SND1: variants seen among roughly 807,000 people sequenced by gnomAD.
SND1 encodes staphylococcal nuclease domain-containing protein 1.
In SND1, 38 loss-of-function variants were observed where a neutral mutation model predicts 121.7. The observed-to-expected ratio is 0.31, with a 90% CI of 0.24 to 0.41. The LOEUF is 0.41. Among genes scored for constraint, SND1 ranks in the 10% least tolerant of loss-of-function variants. The pLI is 1.00. For synonymous variants in SND1, 401 were observed against 447.4 expected (o/e 0.90, Z 1.31); for missense variants, 868 against 1,184.6 (o/e 0.73, Z 3.92).
chr7:127,977,625 A>G (rs991382003), intron 15 of SND1, among the ~76,000 whole-genome samples: 23 of 152,082 alleles, frequency 1.5e-4, no homozygotes, highest in Non-Finnish European at 3.1e-4. Context: ...AAAGAATAGT[A>G]TGGTATAAAG....
chr7:128,089,338 G>C, intron 21 of SND1, 151 bp from the exon 22 acceptor site: 1 of 678,500 alleles, frequency 1.5e-6, no homozygotes, highest in Non-Finnish European at 2.5e-6. Context: ...ACAGGCATGA[G>C]CCACCGTGCC....
intron 1 of SND1, among the ~76,000 whole-genome samples, chr7:127,680,100 G>A (rs1188613750): frequency 2.6e-5 from 4 of 152,152 alleles, no homozygotes; most frequent in Admixed American, 2.6e-4. Context: ...GGTAGGTTCC[G>A]TGATGCCCCC....
In SND1 at chr7:128,029,402, G is replaced by C; in HGVS notation, c.1779+38346G>C. 1.2e-6 allele frequency: 2 copies of C among 1,614,230 alleles called. No homozygotes were observed. Among genetic ancestry groups the C allele is most frequent in the South Asian group, 1.1e-5 (1 of 91,086 alleles). On this transcript the variant is annotated intron_variant, in intron 16 of 23. Coordinates refer to ENST00000354725, the MANE Select transcript of SND1 (RefSeq NM_014390.4). The surrounding 1 kb of genome is among the most constrained non-coding windows in gnomAD (Gnocchi z 4.2). ...ACACCCCAGTGTCTGAAAGCAGCAC[G>C]TGGGAAAAGTTCAAGGTGCCGTCGT...
At chr7:127,837,911 G>T (rs574915903) in intron 11 of SND1, among the ~76,000 whole-genome samples, 1 of 152,266 alleles carries the variant, frequency 6.6e-6, no homozygotes, top group African/African-American at 2.4e-5. Flanking sequence ...TACTTCTATA[G>T]AAGGGTGCGA....
At chr7:127,931,876 T>C (rs1193681830) in intron 15 of SND1, among the ~76,000 whole-genome samples, 1 of 152,186 alleles carries the variant, frequency 6.6e-6, no homozygotes, top group Non-Finnish European at 1.5e-5. Context: ...TTAAGCCCTT[T>C]GTTGAGACCT....
intron 15 of SND1, among the ~76,000 whole-genome samples, chr7:127,956,129 C>T (rs1000208271): frequency 6.6e-6 from 1 of 152,182 alleles, no homozygotes; most frequent in Non-Finnish European, 1.5e-5. Context: ...TTCCTCTAGC[C>T]TGTGTTCCTT....
intron 12 of SND1, among the ~76,000 whole-genome samples, chr7:127,863,326 TA>T (rs1799412406): frequency 6.6e-6 from 1 of 152,180 alleles, no homozygotes; most frequent in Non-Finnish European, 1.5e-5. Context: ...TCCTTACTCT[TA>T]ATGGAAGCAT....
chr7:127,827,206 C>A (rs1361365747), intron 11 of SND1, among the ~76,000 whole-genome samples: 1 of 152,104 alleles, frequency 6.6e-6, no homozygotes, highest in Non-Finnish European at 1.5e-5. Flanking sequence ...ATAACTGTGG[C>A]CCTTTTCATT....
chr7:127,955,503 G>GT (rs1460134024), intron 15 of SND1, among the ~76,000 whole-genome samples: 2 of 152,160 alleles, frequency 1.3e-5, no homozygotes, highest in African/African-American at 2.4e-5. Flanking sequence ...CAGTGGAGTT[G>GT]TGGGGGGGTG....
At chr7:127,830,072 T>G (rs1288818320) in intron 11 of SND1, among the ~76,000 whole-genome samples, 1 of 152,166 alleles carries the variant, frequency 6.6e-6, no homozygotes, top group Non-Finnish European at 1.5e-5. Flanking sequence ...ATGTTAATGC[T>G]GTGGTTGCTG....
At chr7:127,943,390 G>T (rs1801260202) in intron 15 of SND1, among the ~76,000 whole-genome samples, 1 of 152,100 alleles carries the variant, frequency 6.6e-6, no homozygotes, top group African/African-American at 2.4e-5. Flanking sequence ...AAAGTGATGG[G>T]CAGGAGGACA....
intron 15 of SND1, among the ~76,000 whole-genome samples, chr7:127,932,555 G>T (rs1284006873): frequency 1.3e-5 from 2 of 152,160 alleles, no homozygotes; most frequent in East Asian, 3.8e-4. Flanking sequence ...TTGAGAGAAT[G>T]GACTCTAATT....
intron 15 of SND1, among the ~76,000 whole-genome samples, chr7:127,968,835 C>G (rs1046490564): frequency 1.3e-5 from 2 of 152,134 alleles, no homozygotes; most frequent in Non-Finnish European, 1.5e-5. Context: ...AAATCAAGGG[C>G]CCTGGCAGGG....
chr7:128,080,918 GC>G (rs2117058928), intron 17 of SND1, among the ~76,000 whole-genome samples: 1 of 152,050 alleles, frequency 6.6e-6, no homozygotes, highest in South Asian at 2.1e-4. Flanking sequence ...CAGGGGCTCA[GC>G]CTGGTGTGAA....
At chr7:127,893,020 A>G (rs1387129360) in intron 13 of SND1, among the ~76,000 whole-genome samples, 2 of 152,100 alleles carry the variant, frequency 1.3e-5, no homozygotes, top group Non-Finnish European at 2.9e-5. Context: ...ACATATGCCT[A>G]GTCTTGGCGA....
Position 127,721,279 on chromosome 7 carries a change from G to T in SND1, c.1039-8G>T. ...AGCAGGTTTAAGCATGTTCCTTTTT[G>T]CTCACAGGTGATGCAGGTTCTGAAT... On this transcript the variant is annotated splice_region_variant and splice_polypyrimidine_tract_variant and intron_variant, in intron 9 of 23. Transcript: ENST00000354725. 1 of 1,607,570 alleles carries T rather than the reference G, an allele frequency of 6.2e-7. No individual in the cohort carries two copies. Among genetic ancestry groups the T allele is most frequent in the East Asian group, 2.2e-5 (1 of 44,786 alleles).
chr7:127,716,348 G>A (rs776303369), intron 9 of SND1, among the ~76,000 whole-genome samples: 3 of 152,170 alleles, frequency 2.0e-5, no homozygotes, highest in Non-Finnish European at 4.4e-5. Context: ...ATCATGGGAC[G>A]TGTTTCCGTT....
At chr7:127,816,784 C>G (rs991462220) in intron 11 of SND1, among the ~76,000 whole-genome samples, 2 of 151,172 alleles carry the variant, frequency 1.3e-5, no homozygotes, top group Non-Finnish European at 2.9e-5. Flanking sequence ...ATGCCCCAGT[C>G]TTCTGAGTAG....
At chr7:127,951,046 T>C (rs1801451354) in intron 15 of SND1, among the ~76,000 whole-genome samples, 1 of 152,194 alleles carries the variant, frequency 6.6e-6, no homozygotes, top group Admixed American at 6.5e-5. Flanking sequence ...TACCATAGGA[T>C]CCAGCAATTC....
Sources: allele counts gnomAD v4.1 joint callset (sites outside exome capture counted in the v4.1 genomes callset), GRCh38; gene constraint gnomAD v4.1.1; non-coding constraint Gnocchi (gnomAD v3.1); transcripts MANE v1.5; gene names NCBI Gene and HGNC (gene_info 2026-07-23, HGNC 2026-07-21).